The following RALGAPA2 variants were observed in gnomAD, a reference collection of about 807,000 sequenced individuals.
RALGAPA2 encodes Ral GTPase activating protein catalytic subunit alpha 2.
A neutral mutation model predicts 230.4 loss-of-function variants in RALGAPA2; 139 were observed. The observed-to-expected ratio is 0.60, with a 90% CI of 0.53 to 0.69. RALGAPA2 has a LOEUF of 0.69. Among genes scored for constraint, RALGAPA2 ranks in the 30% least tolerant of loss-of-function variants. The pLI is 0.00. For synonymous variants in RALGAPA2, 847 were observed against 837.8 expected, an observed-to-expected ratio of 1.01 and a Z score of -0.19; for missense variants, 2,163 against 2,276.0, an observed-to-expected ratio of 0.95 and a Z score of 1.01.
intron 37 of RALGAPA2, among the ~76,000 whole-genome samples, chr20:20,413,029 G>A (rs191581003): frequency 6.6e-6 from 1 of 152,296 alleles, no homozygotes; most frequent in African/African-American, 2.4e-5. Flanking sequence ...CTGCACATAC[G>A]ACGTTATGAA....
rs768433226 is a variant in RALGAPA2 at position 20,398,947 on chromosome 20, T to C, written c.5618-2213A>G. On this transcript the variant is annotated intron_variant, in intron 38 of 39. Coordinates refer to ENST00000202677, the MANE Select transcript of RALGAPA2 (RefSeq NM_020343.4). The surrounding 1 kb of genome is among the most constrained non-coding windows in gnomAD (Gnocchi z 4.5). ...ATGCATACAGCACAGGTCTAAGTAC[T>C]GTAAGTAAACAGATACACAGTGTTT... Among the ~76,000 whole-genome samples, 4 of 152,124 alleles carry C rather than the reference T, an allele frequency of 2.6e-5. No individual in the cohort carries two copies. Among genetic ancestry groups the C allele is most frequent in the East Asian group, 3.9e-4 (2 of 5,190 alleles).
At position 20,503,507 on chromosome 20, in the gene RALGAPA2, C is replaced by T; in HGVS notation, c.5053-1G>A. ...ACCCACAGTGGGTGGAGAGATCCAC[C>T]TGACAAAGGTCACAAAGAAGAAAGA... On this transcript the variant is annotated splice_acceptor_variant, in intron 34 of 39. Transcript: ENST00000202677. LOFTEE classifies it high-confidence loss of function. The T allele has an allele frequency of 1.3e-6, 2 of 1,556,108 alleles. No homozygotes were observed. The highest frequency in any genetic ancestry group is 1.7e-6 in the Non-Finnish European group (2 of 1,152,512).
At chr20:20,515,632 A>G (rs906331790) in intron 31 of RALGAPA2, among the ~76,000 whole-genome samples, 1 of 152,226 alleles carries the variant, frequency 6.6e-6, no homozygotes, top group Non-Finnish European at 1.5e-5. Flanking sequence ...GAGAAACATA[A>G]AAGTAGAAGC....
rs139518598 is a variant in RALGAPA2, at chr20:20,613,443, C to T, written c.1689-2017G>A. 3.2e-4 allele frequency among the ~76,000 whole-genome samples: 48 copies of T among 152,324 alleles called. No homozygotes were observed. In the South Asian group the frequency reaches 9.1e-3, roughly 29 times the overall value. On this transcript the variant is annotated intron_variant, in intron 13 of 39. Coordinates refer to ENST00000202677, the MANE Select transcript of RALGAPA2 (RefSeq NM_020343.4). ...AGTTCCCTGGCTACAGCCCTGGTCT[C>T]AGCCACCATCATCTATGGCACTGCA...
intron 35 of RALGAPA2, among the ~76,000 whole-genome samples, chr20:20,495,500 G>A (rs971513464): frequency 4.6e-5 from 7 of 152,206 alleles, no homozygotes; most frequent in African/African-American, 1.4e-4. Context: ...TGCTAGCTTC[G>A]CAGGCACATT....
chr20:20,460,875 T>C (rs907408491), intron 37 of RALGAPA2, among the ~76,000 whole-genome samples: 4 of 152,130 alleles, frequency 2.6e-5, no homozygotes, highest in Non-Finnish European at 5.9e-5. Context: ...ACTGGGCAAA[T>C]TAATCCAGAG....
At chr20:20,479,356 C>A (rs867658974) in intron 36 of RALGAPA2, among the ~76,000 whole-genome samples, 3 of 152,058 alleles carry the variant, frequency 2.0e-5, no homozygotes. Flanking sequence ...AAATGAGGGG[C>A]CAATCTCACT....
At chr20:20,466,330 C>A (rs2061421197) in intron 37 of RALGAPA2, among the ~76,000 whole-genome samples, 1 of 152,234 alleles carries the variant, frequency 6.6e-6, no homozygotes, top group Non-Finnish European at 1.5e-5. Context: ...AGGACAACTG[C>A]AGTTAAAACA....
At chr20:20,603,594 G>A (rs1393162509) in intron 15 of RALGAPA2, among the ~76,000 whole-genome samples, 3 of 152,162 alleles carry the variant, frequency 2.0e-5, no homozygotes, top group Non-Finnish European at 4.4e-5. Context: ...GCCTGAGCTA[G>A]CCTCTGGCTG....
Position 20,651,403 on chromosome 20 carries a change from T to C in RALGAPA2, c.328+2127A>G, listed in dbSNP as rs564495296. On this transcript the variant is annotated intron_variant, in intron 4 of 39. Transcript: ENST00000202677. ...ATGCTCATATTTCAACATTCTGAAA[T>C]ATTATTCATTCTGACCACTTTACAG... is the stretch of plus-strand genomic sequence containing the variant. Among the ~76,000 whole-genome samples the C allele has an allele frequency of 8.5e-5, 13 of 152,350 alleles. No individual in the cohort carries two copies. In the South Asian group the frequency reaches 2.7e-3, roughly 32 times the overall value.
Position 20,629,361 on chromosome 20 carries a change from A to T in RALGAPA2, c.1233+2T>A. 6.4e-7 allele frequency: 1 copy of T among 1,561,292 alleles called. No homozygotes were observed. Among genetic ancestry groups the T allele is most frequent in the Non-Finnish European group, 8.7e-7 (1 of 1,148,084 alleles). ...CACACACACACACACACACACACTA[A>T]CCTGGTGAAATACTTCATTCACGAA... On this transcript the variant is annotated splice_donor_variant, in intron 10 of 39. Transcript: ENST00000202677. LOFTEE classifies it high-confidence loss of function.
chr20:20,626,453 A>G (rs1238287828), intron 10 of RALGAPA2, among the ~76,000 whole-genome samples: 1 of 152,362 alleles, frequency 6.6e-6, no homozygotes, highest in Non-Finnish European at 1.5e-5. Context: ...AACTTCAGTC[A>G]TATGTAGTCT....
intron 20 of RALGAPA2, among the ~76,000 whole-genome samples, chr20:20,574,359 T>C (rs943623374): frequency 6.6e-5 from 10 of 152,204 alleles, no homozygotes; most frequent in African/African-American, 2.4e-4. Flanking sequence ...GTCTTTGTAA[T>C]ATATATTTAA....
chr20:20,619,490 A>C, intron 11 of RALGAPA2, 76 bp from the exon 12 acceptor site: 1 of 1,089,518 alleles, frequency 9.2e-7, no homozygotes, highest in Non-Finnish European at 1.2e-6. Flanking sequence ...AATATAATTA[A>C]ATATATTATA....
intron 37 of RALGAPA2, among the ~76,000 whole-genome samples, chr20:20,443,967 C>T (rs913351897): frequency 6.6e-6 from 1 of 152,266 alleles, no homozygotes; most frequent in Non-Finnish European, 1.5e-5. Flanking sequence ...CAGCAGCTCC[C>T]ATTCCTGGCT....
intron 33 of RALGAPA2, 66 bp downstream of exon 33, chr20:20,511,188 G>GT: frequency 6.5e-7 from 1 of 1,536,020 alleles, no homozygotes; most frequent in South Asian, 1.3e-5. Context: ...TCCTGCTGTT[G>GT]TATCTGTTAT....
chr20:20,481,790 C>T lies in RALGAPA2; in HGVS notation c.5368-8834G>A, dbSNP rs1419163728. ...CTGGACTTGGTGCCAGAATCAAGTA[C>T]TCTTGGATAAATTCTTTATGCTCTT... On this transcript the variant is annotated intron_variant, in intron 36 of 39. Transcript: ENST00000202677. Among the ~76,000 whole-genome samples the T allele has an allele frequency of 2.6e-5, 4 of 152,286 alleles. No homozygotes were observed. In the South Asian group the frequency reaches 8.3e-4, roughly 32 times the overall value.
chr20:20,401,700 A>G (rs1350562008), intron 38 of RALGAPA2, among the ~76,000 whole-genome samples: 1 of 152,156 alleles, frequency 6.6e-6, no homozygotes. Context: ...AGTTCTAGGT[A>G]TTTGTGTGAG....
At chr20:20,586,641 G>C (rs936190130) in intron 18 of RALGAPA2, among the ~76,000 whole-genome samples, 1 of 152,082 alleles carries the variant, frequency 6.6e-6, no homozygotes, top group African/African-American at 2.4e-5. Context: ...AAGATTATTA[G>C]AAATTACAAG....
Sources: allele counts gnomAD v4.1 joint callset (sites outside exome capture counted in the v4.1 genomes callset), GRCh38; gene constraint gnomAD v4.1.1; non-coding constraint Gnocchi (gnomAD v3.1); transcripts MANE v1.5; gene names NCBI Gene and HGNC (gene_info 2026-07-23, HGNC 2026-07-21).